CDK15: variants seen among roughly 807,000 people sequenced by gnomAD.
CDK15 encodes cyclin-dependent kinase 15.
Under a neutral mutation model 60.3 loss-of-function variants are expected in CDK15, and 62 were observed. The ratio of observed to expected loss-of-function variants is 1.03; its 90% CI spans 0.84 to 1.27. The LOEUF (loss-of-function observed/expected upper bound fraction) is 1.27, where lower values mean the gene tolerates loss of function less well. Among genes scored for constraint, CDK15 ranks in the 50% most tolerant of loss-of-function variants. CDK15 has a pLI of 0.00. For synonymous variants in CDK15, 194 were observed against 195.7 expected (o/e 0.99, Z 0.07); for missense variants, 541 against 527.8 (o/e 1.03, Z -0.25).
intron 12 of CDK15, among the ~76,000 whole-genome samples, chr2:201,890,117 A>G (rs1027820756): frequency 1.3e-5 from 2 of 151,970 alleles, no homozygotes; most frequent in African/African-American, 4.8e-5. Flanking sequence ...TTCCTAAAAC[A>G]TATCTAGCCC....
intron 6 of CDK15, among the ~76,000 whole-genome samples, chr2:201,831,227 G>T (rs1031291524): frequency 1.3e-5 from 2 of 152,180 alleles, no homozygotes; most frequent in African/African-American, 4.8e-5. Context: ...GGGATTCCAG[G>T]GGGGATGGAA....
chr2:201,835,964 ATT>A (rs1294345944), intron 8 of CDK15, among the ~76,000 whole-genome samples: 1 of 99,994 alleles, frequency 1.0e-5, no homozygotes, highest in East Asian at 3.2e-4. Context: ...ATTTGTATAT[ATT>A]TATATATTTA....
rs1193992516 is a variant in CDK15 at position 201,825,630 on chromosome 2, C to G, written c.606+1903C>G. Among the ~76,000 whole-genome samples the G allele has an allele frequency of 3.3e-5, 5 of 152,178 alleles. No individual in the cohort carries two copies. The East Asian group carries it at 9.6e-4, about 29-fold the overall frequency. On this transcript the variant is annotated intron_variant, in intron 6 of 13. Coordinates refer to ENST00000652192, the MANE Select transcript of CDK15 (RefSeq NM_001366386.2). ...GTAAGGGTGAAGACCATTACATTAT[C>G]TGCACCATCGCGGGACTTTTTTTTT...
chr2:201,817,336 T>C (rs1696040102), intron 4 of CDK15, among the ~76,000 whole-genome samples: 1 of 152,242 alleles, frequency 6.6e-6, no homozygotes, highest in Non-Finnish European at 1.5e-5. Context: ...TGGTGTGAGA[T>C]GGTATCTCAT....
At chr2:201,881,533 G>A (rs1295072881) in intron 12 of CDK15, among the ~76,000 whole-genome samples, 1 of 152,162 alleles carries the variant, frequency 6.6e-6, no homozygotes, top group Non-Finnish European at 1.5e-5. Flanking sequence ...TATCTAAACA[G>A]CAAAAAATCT....
At chr2:201,841,188 A>G (rs1697361452) in intron 8 of CDK15, among the ~76,000 whole-genome samples, 1 of 152,236 alleles carries the variant, frequency 6.6e-6, no homozygotes, top group Admixed American at 6.5e-5. Context: ...GCAAAACCAT[A>G]GTTGCTTTTG....
chr2:201,856,639 G>A (rs1574908821), intron 10 of CDK15, among the ~76,000 whole-genome samples: 1 of 152,082 alleles, frequency 6.6e-6, no homozygotes, highest in African/African-American at 2.4e-5. Context: ...ATCTTTTCCT[G>A]CCCTGCCTGT....
intron 8 of CDK15, among the ~76,000 whole-genome samples, chr2:201,837,543 A>G (rs1382373429): frequency 6.6e-6 from 1 of 152,004 alleles, no homozygotes; most frequent in Non-Finnish European, 1.5e-5. Context: ...AGGTGCTATC[A>G]AGTAAAGCCA....
At chr2:201,845,726 C>T (rs534479181) in intron 8 of CDK15, among the ~76,000 whole-genome samples, 10 of 150,450 alleles carry the variant, frequency 6.6e-5, no homozygotes, top group South Asian at 4.2e-4. Flanking sequence ...ATATTATCTA[C>T]GATAAAATGT....
At chr2:201,858,062 G>A (rs13425147) in intron 10 of CDK15, among the ~76,000 whole-genome samples, 24,573 of 151,800 alleles carry the variant, frequency 0.16, 3,035 homozygotes, top group African/African-American at 0.35. Flanking sequence ...CCAGTTGTCC[G>A]GAACTTGGGA....
upstream of CDK15, chr2:201,806,436 G>A (rs549413358): frequency 5.4e-5 from 19 of 352,532 alleles, no homozygotes; most frequent in Non-Finnish European, 8.7e-5. Context: ...CAGCTGCCTC[G>A]TTTTCAGTTG....
At chr2:201,877,015 C>A (rs1699103943) in intron 11 of CDK15, among the ~76,000 whole-genome samples, 1 of 152,036 alleles carries the variant, frequency 6.6e-6, no homozygotes, top group Admixed American at 6.6e-5. Flanking sequence ...CCAGGCTGGT[C>A]TTGAACTCCT....
At chr2:201,872,440 C>T in intron 11 of CDK15, 114 bp downstream of exon 11, 1 of 1,109,128 alleles carries the variant, frequency 9.0e-7, no homozygotes, top group Non-Finnish European at 1.4e-6. Context: ...CATGTGGGGG[C>T]TCTAAGCTGT....
At chr2:201,863,863 T>G (rs1022829847) in intron 10 of CDK15, among the ~76,000 whole-genome samples, 5 of 152,144 alleles carry the variant, frequency 3.3e-5, no homozygotes, top group African/African-American at 4.8e-5. Context: ...GCTGCTGCAC[T>G]CTAGCCTGGG....
intron 8 of CDK15, among the ~76,000 whole-genome samples, chr2:201,837,248 C>T (rs1697133309): frequency 6.7e-6 from 1 of 150,304 alleles, no homozygotes; most frequent in Admixed American, 6.7e-5. Flanking sequence ...TGATGGTACC[C>T]CTGCAATCCA....
At chr2:201,888,983 C>T (rs1368290008) in intron 12 of CDK15, 4 of 985,798 alleles carry the variant, frequency 4.1e-6, no homozygotes, top group African/African-American at 1.7e-5. Flanking sequence ...TTATAATATC[C>T]GTGTGAAAAT....
chr2:201,874,902 C>T (rs1024736932), intron 11 of CDK15, among the ~76,000 whole-genome samples: 2 of 152,112 alleles, frequency 1.3e-5, no homozygotes, highest in Admixed American at 1.3e-4. Flanking sequence ...TCCTGTAGGT[C>T]TAGGGGGAAA....
chr2:201,818,759 C>G (rs1486305397), intron 4 of CDK15, among the ~76,000 whole-genome samples: 1 of 151,988 alleles, frequency 6.6e-6, no homozygotes, highest in Non-Finnish European at 1.5e-5. Flanking sequence ...CTAGGAATGG[C>G]CATAAAGCAT....
intron 13 of CDK15, among the ~76,000 whole-genome samples, chr2:201,892,295 T>C (rs1699664279): frequency 6.6e-6 from 1 of 152,212 alleles, no homozygotes; most frequent in Admixed American, 6.5e-5. Context: ...TTTAGCTGCA[T>C]TCTGTGAAGT....
Sources: gnomAD v4.1 joint callset for allele counts (sites outside exome capture counted in the v4.1 genomes callset) on GRCh38, gnomAD v4.1.1 for gene constraint, MANE v1.5 for transcripts, NCBI Gene and HGNC (gene_info 2026-07-23, HGNC 2026-07-21) for gene names.